Variants in PDCD2 observed in about 807,000 individuals in gnomAD.
PDCD2 encodes the protein uS5 assembly chaperone PDCD2.
PDCD2 carries 38 observed loss-of-function variants against 38.1 expected under a neutral mutation model. The ratio of observed to expected loss-of-function variants is 1.00; its 90% CI spans 0.77 to 1.31. The LOEUF is 1.31. PDCD2 is among the 50% of genes most tolerant of loss of function. The probability of loss-of-function intolerance (pLI) is 0.00; values close to 1 mark genes in which losing one functional copy is unlikely to be tolerated. For missense variants in PDCD2, 473 were observed against 435.7 expected (o/e 1.09, Z -0.76); for synonymous variants, 205 against 168.9 (o/e 1.21, Z -1.66).
Position 170,582,975 on chromosome 6 carries a change from ACCT to A in PDCD2, c.658+79_658+81del. ...CTCCAAAGTGAGTCTTCCTCTCAGT[ACCT>A]CTCTTCTAGGCACATGGAGCCCTTT... On this transcript the variant is annotated intron_variant, in intron 3 of 5. Transcript: ENST00000541970. 5 of 1,534,734 alleles carry A rather than the reference ACCT, an allele frequency of 3.3e-6. No individual in the cohort carries two copies. In the East Asian group the frequency reaches 1.1e-4, roughly 35 times the overall value.
chr6:170,584,607 CA>C lies in PDCD2; in HGVS notation c.-27del. 8.2e-7 allele frequency: 1 copy of C among 1,216,022 alleles called. No individual in the cohort carries two copies. Among genetic ancestry groups the C allele is most frequent in the Non-Finnish European group, 1.0e-6 (1 of 965,368 alleles). 75.3% of individuals were successfully genotyped at this position (1,216,022 alleles called of 1,614,324 possible). The stretch of plus-strand genomic sequence containing the variant: ...GCGGGGCGCGGGCTGGCGTGGGGCG[CA>C]GCCCACAGCTGGGTCGGAAGGCGGA... On this transcript the variant is annotated 5_prime_UTR_variant, in exon 1 of 6. Transcript: ENST00000541970.
intron 4 of PDCD2, 111 bp from the exon 5 acceptor site, chr6:170,579,081 C>T (rs865994693): frequency 1.5e-6 from 1 of 655,978 alleles, no homozygotes; most frequent in Middle Eastern, 3.1e-4. Context: ...AGCACTGACC[C>T]AAAAGGCATG....
chr6:170,578,169 C>CA (rs991702139), intron 5 of PDCD2, among the ~76,000 whole-genome samples: 8 of 97,574 alleles, frequency 8.2e-5, no homozygotes, highest in African/African-American at 4.5e-4. Context: ...GCAGAATAGC[C>CA]ACCTGATATG....
Position 170,584,207 on chromosome 6 carries a change from G to A in PDCD2, c.283+92C>T, listed in dbSNP as rs1779727839. 25 of 1,248,650 alleles carry A rather than the reference G, an allele frequency of 2.0e-5. 1 individual carries two copies. The South Asian group carries it at 5.9e-4, about 30-fold the overall frequency. 77.3% of individuals were successfully genotyped at this position (1,248,650 alleles called of 1,614,324 possible). A position where few individuals can be genotyped will look rare whatever the true frequency, so the allele number is the denominator to read the frequency against. ...GAGCTCTGAGGCTGGGGCGGCAGCG[G>A]TGCTTGCCGCCGTCCCCCTGGTCGC... On this transcript the variant is annotated intron_variant, in intron 1 of 5. Coordinates refer to ENST00000541970, the MANE Select transcript of PDCD2 (RefSeq NM_002598.4).
At chr6:170,582,993 T>G in intron 3 of PDCD2, 64 bp downstream of exon 3, 1 of 1,566,648 alleles carries the variant, frequency 6.4e-7, no homozygotes, top group Non-Finnish European at 8.6e-7. Context: ...TCTAGGCACA[T>G]GGAGCCCTTT....
Position 170,577,714 on chromosome 6 carries a change from T to A in PDCD2, c.880A>T (p.Met294Leu), listed in dbSNP as rs774403635. The A allele has an allele frequency of 2.5e-5, 41 of 1,612,300 alleles. No individual in the cohort carries two copies. The highest frequency in any genetic ancestry group is 4.2e-4 in the Middle Eastern group (2 of 4,806). ...TTCAGGTAGTTTAGGAGCTGAGGCA[T>A]GACCTGAGAAGAGGGTGACACACAG... ...GAKRILEFQV[M>L]PQLLNYLKAD... is the part of the protein sequence containing the mutation. Residue 294 changes from methionine (M) to leucine (L), a missense_variant, in exon 6 of 6, where the codon ATG becomes TTG. By Grantham distance (15) the Met-to-Leu change is conservative. Coordinates refer to ENST00000541970, the MANE Select transcript of PDCD2 (RefSeq NM_002598.4).
intron 5 of PDCD2, chr6:170,578,456 A>C: frequency 1.7e-6 from 1 of 581,870 alleles, no homozygotes; most frequent in Non-Finnish European, 3.0e-6. Flanking sequence ...CCACAAACCA[A>C]GATTAAACAG....
chr6:170,581,405 T>C (rs905561451), intron 3 of PDCD2: 1 of 152,204 alleles, frequency 6.6e-6, no homozygotes, highest in Non-Finnish European at 1.5e-5. Flanking sequence ...ATTAAACATA[T>C]CTGATGCAGT....
chr6:170,579,028 G>A lies in PDCD2; in HGVS notation c.763-58C>T, dbSNP rs73258628. 2,531 of 1,030,754 alleles carry A rather than the reference G, an allele frequency of 2.5e-3. 46 individuals are homozygous for A. The African/African-American group carries it at 0.037, about 15-fold the overall frequency. The allele number at this position is 1,030,754 out of a possible 1,614,324, so 63.9% of individuals were successfully genotyped here. On this transcript the variant is annotated intron_variant, in intron 4 of 5. Transcript: ENST00000541970. ...AATACCTTACCTATAAGTTGCCAAT[G>A]GTAACATGCTATCTACTCCATGAAT...
intron 4 of PDCD2, 21 bp from the exon 5 acceptor site, chr6:170,578,991 G>A: frequency 1.4e-6 from 2 of 1,421,386 alleles, no homozygotes; most frequent in South Asian, 1.2e-5. Context: ...TGAAGATCAT[G>A]TTCAAATAAT....
intron 5 of PDCD2, chr6:170,578,481 A>G: frequency 1.6e-6 from 1 of 610,018 alleles, no homozygotes. Flanking sequence ...GACTCCTCTC[A>G]TAAAGTATAT....
Position 170,583,844 on chromosome 6 carries a change from AAAG to A in PDCD2, c.284-100_284-98del, listed in dbSNP as rs577826393. The A allele has an allele frequency of 6.8e-3, 6,537 of 957,606 alleles. 37 individuals carry two copies. The highest frequency in any genetic ancestry group is 9.1e-3 in the Non-Finnish European group (5,922 of 654,278). 59.3% of individuals were successfully genotyped at this position (957,606 alleles called of 1,614,324 possible). A position where few individuals can be genotyped will look rare whatever the true frequency, so the allele number is the denominator to read the frequency against. On this transcript the variant is annotated intron_variant, in intron 1 of 5. Transcript: ENST00000541970. ...TAAAACTGAAAATAACAACAACAAA[AAAG>A]AAATGAAAGTTTTTGCTTTCAGGAA...
At chr6:170,582,652 A>C (rs1313151692) in intron 3 of PDCD2, 1 of 1,214,888 alleles carries the variant, frequency 8.2e-7, no homozygotes, top group Non-Finnish European at 1.0e-6. Flanking sequence ...ATGCACTGTA[A>C]GTAAACTGAC....
At chr6:170,582,459 C>A in intron 3 of PDCD2, 1 of 1,415,028 alleles carries the variant, frequency 7.1e-7, no homozygotes. Context: ...AAAGTTATAC[C>A]CAGAACCTCA....
At chr6:170,584,259 C>A in intron 1 of PDCD2, 40 bp downstream of exon 1, 2 of 1,364,736 alleles carry the variant, frequency 1.5e-6, no homozygotes, top group South Asian at 1.9e-5. Context: ...GCGCACGCGT[C>A]GGAGGCATGG....
chr6:170,584,307 C>T lies in PDCD2; in HGVS notation c.275G>A (p.Gly92Asp). ...CCCGTTTGGCGGCTCACCTCGCAGG[C>T]CGGCACAGCACGGCTGCTCGCGGCA... Reference protein sequence around the residue: ...FCCREQPCCAGLRVFRNQLPR... With the variant: ...FCCREQPCCADLRVFRNQLPR... The change falls in exon 1 of 6, where the codon GGC becomes GAC. Residue 92 changes from glycine to aspartate, a missense_variant. Coordinates refer to ENST00000541970, the MANE Select transcript of PDCD2 (RefSeq NM_002598.4). The T allele has an allele frequency of 2.0e-6, 3 of 1,472,398 alleles. No individual in the cohort carries two copies. Among genetic ancestry groups the T allele is most frequent in the Non-Finnish European group, 1.8e-6 (2 of 1,119,016 alleles). The allele number at this position is 1,472,398 out of a possible 1,614,324, so 91.2% of individuals were successfully genotyped here. A position where few individuals can be genotyped will look rare whatever the true frequency, so the allele number is the denominator to read the frequency against.
intron 3 of PDCD2, 48 bp from the exon 4 acceptor site, chr6:170,580,153 A>G: frequency 8.8e-7 from 1 of 1,131,410 alleles, no homozygotes; most frequent in East Asian, 2.4e-5. Flanking sequence ...AATCCCCACA[A>G]CTTGACAATT....
At position 170,583,817 on chromosome 6, in the gene PDCD2, C is replaced by T. The variant is rs919707958; in HGVS notation, c.284-70G>A. On this transcript the variant is annotated intron_variant, in intron 1 of 5. Coordinates refer to ENST00000541970, the MANE Select transcript of PDCD2 (RefSeq NM_002598.4). The stretch of plus-strand genomic sequence containing the variant: ...CAATTCACATATTTTATCCTCTGCA[C>T]GTAAAACTGAAAATAACAACAACAA... 1.7e-5 allele frequency: 20 copies of T among 1,166,156 alleles called. No individual in the cohort carries two copies. The African/African-American group carries it at 1.8e-4, about 10-fold the overall frequency. 72.2% of individuals were successfully genotyped at this position (1,166,156 alleles called of 1,614,324 possible). A position where few individuals can be genotyped will look rare whatever the true frequency, so the allele number is the denominator to read the frequency against.
Position 170,577,582 on chromosome 6 carries a change from G to C in PDCD2, c.1012C>G (p.Gln338Glu). The change falls in exon 6 of 6, where the codon CAG becomes GAG. Residue 338 changes from glutamine to glutamate, a missense_variant. Coordinates refer to ENST00000541970, the MANE Select transcript of PDCD2 (RefSeq NM_002598.4). ...TGYTEEFVWK[Q>E]DVTDTP Reference sequence around the variant, plus strand: ...CTTTACGGTGTATCTGTTACATCCTGCTTCCACACAAATTCTTCTGTATAG... The same window carrying C: ...CTTTACGGTGTATCTGTTACATCCTCCTTCCACACAAATTCTTCTGTATAG... 1 of 1,614,064 alleles carries C rather than the reference G, an allele frequency of 6.2e-7. No individual in the cohort carries two copies. The highest frequency in any genetic ancestry group is 1.3e-5 in the African/African-American group (1 of 75,034).
Sources: gnomAD v4.1 joint callset for allele counts (sites outside exome capture counted in the v4.1 genomes callset) on GRCh38, gnomAD v4.1.1 for gene constraint, MANE v1.5 for transcripts, NCBI Gene and HGNC (gene_info 2026-07-23, HGNC 2026-07-21) for gene names.